The following ARIH1 variants were observed in gnomAD, a reference collection of about 807,000 sequenced individuals.
The protein encoded by ARIH1 is ariadne RBR E3 ubiquitin protein ligase 1.
In ARIH1, 8 loss-of-function variants were observed where a neutral mutation model predicts 85.0. The observed-to-expected ratio is 0.09, with a 90% CI of 0.06 to 0.17. The LOEUF is 0.17. ARIH1 is among the 10% of genes least tolerant of loss of function. The pLI, the probability that ARIH1 is intolerant of heterozygous loss-of-function variation, is 1.00. For missense variants in ARIH1, 311 were observed against 718.1 expected (o/e 0.43, Z 6.48); for synonymous variants, 238 against 253.6 (o/e 0.94, Z 0.59).
chr15:72,559,905 T>C (rs2064190700), intron 5 of ARIH1, among the ~76,000 whole-genome samples: 1 of 152,230 alleles, frequency 6.6e-6, no homozygotes, highest in Non-Finnish European at 1.5e-5. Flanking sequence ...ATATGGACAT[T>C]TCCATTTTTT....
intron 11 of ARIH1, among the ~76,000 whole-genome samples, chr15:72,578,020 T>G (rs1360359448): frequency 6.6e-6 from 1 of 152,182 alleles, no homozygotes; most frequent in Non-Finnish European, 1.5e-5. Flanking sequence ...TTGTCTAATG[T>G]CAATTTATTT....
chr15:72,572,362 T>G, intron 11 of ARIH1, 197 bp downstream of exon 11: 1 of 429,716 alleles, frequency 2.3e-6, no homozygotes, highest in Non-Finnish European at 4.1e-6. Context: ...CTCAGCCTCC[T>G]GAGTAGCTGG....
intron 1 of ARIH1, among the ~76,000 whole-genome samples, chr15:72,503,850 G>A (rs2063913262): frequency 6.6e-6 from 1 of 152,192 alleles, no homozygotes; most frequent in Admixed American, 6.5e-5. Flanking sequence ...GGTGCTGGCA[G>A]GAGCAAGTTT....
chr15:72,596,221 TG>T lies in ARIH1; in HGVS notation c.*12931del, dbSNP rs775125829. The T allele has an allele frequency of 1.7e-4, 26 of 152,338 alleles. No homozygotes were observed. In the East Asian group the frequency reaches 4.0e-3, roughly 24 times the overall value. 9.4% of individuals were successfully genotyped at this position (152,338 alleles called of 1,614,324 possible). On this transcript the variant is annotated 3_prime_UTR_variant, in exon 14 of 14. Coordinates refer to ENST00000379887, the MANE Select transcript of ARIH1 (RefSeq NM_005744.5). ...TTTTATTTTTGAGGGGTATTTTAGT[TG>T]GATATAGGACTCTATGTTGACCTTT...
At chr15:72,497,905 A>G (rs1171925160) in intron 1 of ARIH1, among the ~76,000 whole-genome samples, 1 of 152,172 alleles carries the variant, frequency 6.6e-6, no homozygotes, top group Non-Finnish European at 1.5e-5. Flanking sequence ...ACTTTTATAA[A>G]CTCCATATAC....
intron 2 of ARIH1, among the ~76,000 whole-genome samples, chr15:72,538,932 G>A (rs1174635033): frequency 6.6e-6 from 1 of 152,206 alleles, no homozygotes; most frequent in Non-Finnish European, 1.5e-5. Flanking sequence ...AGGAATGGGT[G>A]TTAACCTGCT....
chr15:72,543,699 G>A (rs1485740354), intron 2 of ARIH1, among the ~76,000 whole-genome samples: 1 of 152,028 alleles, frequency 6.6e-6, no homozygotes, highest in Non-Finnish European at 1.5e-5. Flanking sequence ...TTTCTTTTGA[G>A]TATTGATTAC....
intron 1 of ARIH1, chr15:72,496,828 T>G (rs2063882088): frequency 1.0e-6 from 1 of 985,396 alleles, no homozygotes; most frequent in South Asian, 4.7e-5. Flanking sequence ...AATTCAGTGA[T>G]GCAAAGGACA....
chr15:72,528,158 T>A (rs1188109935), intron 2 of ARIH1, among the ~76,000 whole-genome samples: 7 of 152,200 alleles, frequency 4.6e-5, no homozygotes, highest in Non-Finnish European at 1.0e-4. Flanking sequence ...TTTCAGTTGA[T>A]AGTATGGTAG....
rs772654041 is a variant in ARIH1 at position 72,583,277 on chromosome 15, G to A, written c.1659G>A (p.Glu553=). 6.2e-7 allele frequency: 1 copy of A among 1,612,822 alleles called. No homozygotes were observed. Among genetic ancestry groups the A allele is most frequent in the Admixed American group, 1.7e-5 (1 of 59,942 alleles). ...AAGGCTATGAAAAAGATCTGTGGGA[G>A]TACATTGAGGACTGAGAATGGCCCT... ...VHEGYEKDLW[E]YIED is the part of the protein sequence containing the mutation. Residue 553 remains glutamate (E), a synonymous_variant, in exon 14 of 14, where the codon GAG becomes GAA. Transcript: ENST00000379887.
chr15:72,552,040 T>C (rs1249835274), intron 3 of ARIH1, among the ~76,000 whole-genome samples: 1 of 152,210 alleles, frequency 6.6e-6, no homozygotes, highest in Non-Finnish European at 1.5e-5. Context: ...ACAATCTCTT[T>C]GCAGGGGAGC....
At chr15:72,553,801 C>T (rs2064163075) in intron 3 of ARIH1, among the ~76,000 whole-genome samples, 1 of 152,118 alleles carries the variant, frequency 6.6e-6, no homozygotes, top group African/African-American at 2.4e-5. Flanking sequence ...TCTGTAGTCC[C>T]AGCTATTTGG....
intron 2 of ARIH1, among the ~76,000 whole-genome samples, chr15:72,541,842 C>T (rs1389782938): frequency 1.3e-5 from 2 of 152,206 alleles, no homozygotes; most frequent in African/African-American, 4.8e-5. Flanking sequence ...ATGGGGTTTA[C>T]ATTCTAGCAG....
At chr15:72,560,875 T>A (rs1336641008) in intron 5 of ARIH1, among the ~76,000 whole-genome samples, 1 of 152,060 alleles carries the variant, frequency 6.6e-6, no homozygotes, top group African/African-American at 2.4e-5. Context: ...AACTTAAACT[T>A]CAGGATTCCT....
In ARIH1 at chr15:72,594,165, CTTTT is replaced by C. The variant is rs1476504479; in HGVS notation, c.*10877_*10880del. Reference sequence around the variant, plus strand: ...ATATTTTTGATTTTCTTTTCTTTTTCTTTTTTTCTTTTTTTTTTTTTGAGACGGA... The same window carrying C: ...ATATTTTTGATTTTCTTTTCTTTTTCTTTCTTTTTTTTTTTTTGAGACGGA... On this transcript the variant is annotated 3_prime_UTR_variant, in exon 14 of 14. Transcript: ENST00000379887. The C allele has an allele frequency of 1.3e-5, 2 of 148,786 alleles. No individual in the cohort carries two copies. The highest frequency in any genetic ancestry group is 3.0e-5 in the Non-Finnish European group (2 of 67,208). 9.2% of individuals were successfully genotyped at this position (148,786 alleles called of 1,614,324 possible). A position where few individuals can be genotyped will look rare whatever the true frequency, so the allele number is the denominator to read the frequency against.
At position 72,589,352 on chromosome 15, in the gene ARIH1, C is replaced by A. The variant is rs1040600956; in HGVS notation, c.*6060C>A. On this transcript the variant is annotated 3_prime_UTR_variant, in exon 14 of 14. Transcript: ENST00000379887. Reference sequence around the variant, plus strand: ...AACATGTGAAAACAAAACCTAGTTACAATAATAAGCACACCAGTGCTAACT... The same window carrying A: ...AACATGTGAAAACAAAACCTAGTTAAAATAATAAGCACACCAGTGCTAACT... 5 of 152,224 alleles carry A rather than the reference C, an allele frequency of 3.3e-5. No homozygotes were observed. The highest frequency in any genetic ancestry group is 2.6e-4 in the Admixed American group (4 of 15,284). 9.4% of individuals were successfully genotyped at this position (152,224 alleles called of 1,614,324 possible). A position where few individuals can be genotyped will look rare whatever the true frequency, so the allele number is the denominator to read the frequency against.
At chr15:72,516,217 C>T (rs1714317183) in intron 1 of ARIH1, among the ~76,000 whole-genome samples, 2 of 152,076 alleles carry the variant, frequency 1.3e-5, no homozygotes, top group African/African-American at 4.8e-5. Flanking sequence ...CCCCAAGCAC[C>T]CTATCCAGTG....
rs769543817 is a variant in ARIH1, at chr15:72,580,943, T to C, written c.1428T>C (p.Tyr476=). 4.5e-5 allele frequency: 72 copies of C among 1,614,028 alleles called. No homozygotes were observed. Among genetic ancestry groups the C allele is most frequent in the East Asian group, 6.7e-5 (3 of 44,892 alleles). Reference sequence around the variant, plus strand: ...GTCGTGCCACACTCATGTACACTTATGTCTTCGCTTTCTACCTCAAAAAGA... The same window carrying C: ...GTCGTGCCACACTCATGTACACTTACGTCTTCGCTTTCTACCTCAAAAAGA... ...CQCRATLMYT[Y]VFAFYLKKNN... Residue 476 remains tyrosine, a synonymous_variant, in exon 12 of 14, where the codon TAT becomes TAC. Coordinates refer to ENST00000379887, the MANE Select transcript of ARIH1 (RefSeq NM_005744.5).
intron 2 of ARIH1, among the ~76,000 whole-genome samples, chr15:72,525,534 C>T (rs151104616): frequency 1.8e-4 from 27 of 152,100 alleles, no homozygotes; most frequent in African/African-American, 5.3e-4. Flanking sequence ...TGATAAATAA[C>T]GTAATACATG....
Sources: gnomAD v4.1 joint callset for allele counts (sites outside exome capture counted in the v4.1 genomes callset) on GRCh38, gnomAD v4.1.1 for gene constraint, MANE v1.5 for transcripts, NCBI Gene and HGNC (gene_info 2026-07-23, HGNC 2026-07-21) for gene names.